PAK1IP1: variants seen among roughly 807,000 people sequenced by gnomAD.
PAK1IP1 encodes PAK1 interacting protein 1.
Under a neutral mutation model 42.0 loss-of-function variants are expected in PAK1IP1, and 24 were observed. The ratio of observed to expected loss-of-function variants is 0.57; its 90% CI spans 0.41 to 0.80. The LOEUF is 0.80. PAK1IP1 is among the 30% of genes least tolerant of loss of function. PAK1IP1 has a pLI of 0.00. For synonymous variants in PAK1IP1, 154 were observed against 156.7 expected (o/e 0.98, Z 0.13); for missense variants, 411 against 467.9 (o/e 0.88, Z 1.12).
chr6:10,691,519 G>T (rs1044285516), upstream of PAK1IP1, among the ~76,000 whole-genome samples: 5 of 152,080 alleles, frequency 3.3e-5, no homozygotes, highest in Non-Finnish European at 5.9e-5. Flanking sequence ...AACCGATTAG[G>T]TCAGGGGTCG....
chr6:10,708,522 A>G (rs1672475360), intron 8 of PAK1IP1, among the ~76,000 whole-genome samples: 2 of 151,594 alleles, frequency 1.3e-5, no homozygotes, highest in Admixed American at 1.3e-4. Flanking sequence ...TTGTGTGGAT[A>G]TATGTTTTTT....
intron 5 of PAK1IP1, 58 bp from the exon 6 acceptor site, chr6:10,704,449 A>G (rs1265167334): frequency 3.2e-6 from 3 of 941,124 alleles, no homozygotes; most frequent in East Asian, 5.3e-5. Context: ...TTTTATTACT[A>G]TGATCATTTT....
At chr6:10,693,047 C>G (rs937715000), upstream of PAK1IP1, among the ~76,000 whole-genome samples, 1 of 152,252 alleles carries the variant, frequency 6.6e-6, no homozygotes, top group Non-Finnish European at 1.5e-5. Context: ...TAACTTACTT[C>G]AAGCCTCCTT....
upstream of PAK1IP1, among the ~76,000 whole-genome samples, chr6:10,691,493 A>G (rs1053529313): frequency 6.6e-6 from 1 of 152,120 alleles, no homozygotes; most frequent in African/African-American, 2.4e-5. Flanking sequence ...CAATGTCTCT[A>G]ATCTACAGAT....
chr6:10,706,275 CAG>C (rs1253777932), intron 7 of PAK1IP1, among the ~76,000 whole-genome samples: 1 of 151,966 alleles, frequency 6.6e-6, no homozygotes, highest in African/African-American at 2.4e-5. Flanking sequence ...TGAGGGAGAA[CAG>C]AGCTTGGTGT....
intron 9 of PAK1IP1, 21 bp from the exon 10 acceptor site, chr6:10,709,217 G>T (rs2127482545): frequency 6.3e-7 from 1 of 1,578,000 alleles, no homozygotes; most frequent in East Asian, 2.2e-5. Context: ...TTTTTTAAAA[G>T]CACTCTCTTT....
At position 10,709,389 on chromosome 6, in the gene PAK1IP1, G is replaced by A. The variant is rs1398792138; in HGVS notation, c.1116G>A (p.Lys372=). The A allele has an allele frequency of 1.9e-6, 3 of 1,613,406 alleles. No individual in the cohort carries two copies. Among genetic ancestry groups the A allele is most frequent in the South Asian group, 2.2e-5 (2 of 90,876 alleles). The change falls in exon 10 of 10, where the codon AAG becomes AAA. Residue 372 remains lysine (K), a synonymous_variant. Coordinates refer to ENST00000379568, the MANE Select transcript of PAK1IP1 (RefSeq NM_017906.3). ...TKESGLISTK[K]RKMVEMLEKK... is the part of the protein sequence containing the mutation. Reference sequence around the variant, plus strand: ...AAAGTGGCCTGATATCAACCAAGAAGAGGAAAATGGTAGAAATGTTGGAAA... The same window carrying A: ...AAAGTGGCCTGATATCAACCAAGAAAAGGAAAATGGTAGAAATGTTGGAAA...
intron 2 of PAK1IP1, among the ~76,000 whole-genome samples, chr6:10,702,145 TG>T (rs1347918353): frequency 1.3e-5 from 2 of 150,772 alleles, no homozygotes; most frequent in African/African-American, 4.9e-5. Context: ...GAGGCTGAGG[TG>T]GGAAGATTGC....
Position 10,704,601 on chromosome 6 carries a change from T to A in PAK1IP1, c.591T>A (p.Ile197=). The A allele has an allele frequency of 6.2e-7, 1 of 1,609,086 alleles. No homozygotes were observed. The highest frequency in any genetic ancestry group is 1.7e-4 in the Middle Eastern group (1 of 6,054). Residue 197 remains isoleucine (I), a synonymous_variant, in exon 6 of 10, where the codon ATT becomes ATA. Coordinates refer to ENST00000379568, the MANE Select transcript of PAK1IP1 (RefSeq NM_017906.3). ...TCTATCAGCTTGACACTGCATCCAT[T>A]AGTGGCACCATCACAAATGAAAAGA... ...IDIYQLDTAS[I]SGTITNEKRI...
upstream of PAK1IP1, chr6:10,694,596 C>T: frequency 1.7e-5 from 3 of 178,206 alleles, no homozygotes; most frequent in Admixed American, 6.0e-5. Flanking sequence ...GCTACAGCCC[C>T]TAAGCAACCG....
At chr6:10,695,798 ACTT>A (rs1261711659) in intron 1 of PAK1IP1, among the ~76,000 whole-genome samples, 2 of 152,212 alleles carry the variant, frequency 1.3e-5, no homozygotes, top group African/African-American at 4.8e-5. Flanking sequence ...TGAGTACAGT[ACTT>A]CTTTATGAAG....
intron 2 of PAK1IP1, among the ~76,000 whole-genome samples, chr6:10,700,987 C>T (rs1381081147): frequency 1.3e-5 from 2 of 152,128 alleles, no homozygotes; most frequent in Non-Finnish European, 2.9e-5. Context: ...TCCCGCAACC[C>T]TTCCCCTCCC....
At chr6:10,694,329 C>G (rs73721359), upstream of PAK1IP1, among the ~76,000 whole-genome samples, 1 of 151,350 alleles carries the variant, frequency 6.6e-6, no homozygotes, top group South Asian at 2.1e-4. Context: ...TTGGCCAATA[C>G]AGCCCCAGAG....
chr6:10,691,452 A>G (rs1769298670), upstream of PAK1IP1, among the ~76,000 whole-genome samples: 1 of 152,162 alleles, frequency 6.6e-6, no homozygotes, highest in Non-Finnish European at 1.5e-5. Flanking sequence ...GGAACAGAAC[A>G]GGACAGGGAT....
chr6:10,704,961 C>T, intron 7 of PAK1IP1, 117 bp downstream of exon 7: 2 of 707,896 alleles, frequency 2.8e-6, no homozygotes, highest in East Asian at 5.2e-5. Context: ...TCAGACATAT[C>T]TACATGTACA....
At position 10,695,083 on chromosome 6, in the gene PAK1IP1, T is replaced by C. The variant is rs751228814; in HGVS notation, c.84+14T>C. On this transcript the variant is annotated intron_variant, in intron 1 of 9. Transcript: ENST00000379568. ...GGCGACCACGAGGTGAGATACCGCG[T>C]AGTTAGAGACAGTCGGAGGCGGGGC... The C allele has an allele frequency of 1.3e-6, 2 of 1,563,910 alleles. No individual in the cohort carries two copies. The highest frequency in any genetic ancestry group is 4.5e-5 in the East Asian group (2 of 44,654).
intron 2 of PAK1IP1, among the ~76,000 whole-genome samples, chr6:10,700,296 G>C (rs1769987787): frequency 1.3e-5 from 2 of 152,106 alleles, no homozygotes; most frequent in Admixed American, 1.3e-4. Flanking sequence ...GACCTCAAGT[G>C]ATCCGCCCGC....
chr6:10,699,643 T>C (rs1366898829), intron 2 of PAK1IP1, among the ~76,000 whole-genome samples: 1 of 152,146 alleles, frequency 6.6e-6, no homozygotes, highest in Non-Finnish European at 1.5e-5. Flanking sequence ...GAGGAGTAAC[T>C]CAGCCAAGAA....
intron 7 of PAK1IP1, among the ~76,000 whole-genome samples, chr6:10,705,616 TA>T (rs1430727228): frequency 3.3e-5 from 5 of 152,212 alleles, no homozygotes; most frequent in Admixed American, 3.3e-4. Flanking sequence ...TCTCTATTTC[TA>T]GGGGGTAGAT....
Sources: gnomAD v4.1 joint callset for allele counts (sites outside exome capture counted in the v4.1 genomes callset) on GRCh38, gnomAD v4.1.1 for gene constraint, MANE v1.5 for transcripts, NCBI Gene and HGNC (gene_info 2026-07-23, HGNC 2026-07-21) for gene names.